The following TNFRSF10B variants were observed in gnomAD, a reference collection of about 807,000 sequenced individuals.
TNFRSF10B encodes TNF receptor superfamily member 10b.
A neutral mutation model predicts 41.4 loss-of-function variants in TNFRSF10B; 35 were observed. The ratio of observed to expected loss-of-function variants is 0.85; its 90% CI spans 0.65 to 1.12. TNFRSF10B has a LOEUF of 1.12. TNFRSF10B is among the 50% of genes most tolerant of loss of function. The pLI is 0.00. For missense variants in TNFRSF10B, 584 were observed against 552.7 expected, an observed-to-expected ratio of 1.06 and a Z score of -0.57; for synonymous variants, 230 against 215.5, an observed-to-expected ratio of 1.07 and a Z score of -0.59.
At position 23,058,266 on chromosome 8, in the gene TNFRSF10B, T is replaced by TA. The variant is rs1165890201; in HGVS notation, c.144+10484dup. ...TGTCTCAAAAAAAAATTCCATCTCT[T>TA]ATAAACATTATGTAGTTAAGTCTTG... is the stretch of plus-strand genomic sequence containing the variant. On this transcript the variant is annotated intron_variant, in intron 1 of 8. Coordinates refer to ENST00000276431, the MANE Select transcript of TNFRSF10B (RefSeq NM_003842.5). Among the ~76,000 whole-genome samples the TA allele has an allele frequency of 2.0e-5, 3 of 152,260 alleles. No homozygotes were observed. The South Asian group carries it at 6.2e-4, about 32-fold the overall frequency.
At chr8:23,049,504 AG>A (rs1366482615) in intron 1 of TNFRSF10B, among the ~76,000 whole-genome samples, 1 of 152,208 alleles carries the variant, frequency 6.6e-6, no homozygotes, top group Non-Finnish European at 1.5e-5. Context: ...GGACCCATTT[AG>A]ATTAAGTAAA....
rs755110880 is a variant in TNFRSF10B, at chr8:23,022,609, T to A, written c.*62A>T. 6.3e-7 allele frequency: 1 copy of A among 1,593,604 alleles called. No individual in the cohort carries two copies. Among genetic ancestry groups the A allele is most frequent in the East Asian group, 2.2e-5 (1 of 44,718 alleles). On this transcript the variant is annotated 3_prime_UTR_variant, in exon 9 of 9. Transcript: ENST00000276431. ...CACTTTCCTACTGACTGGAGTCCAGTTGGGCTTTTTCCAGAAAAAAGGTAA... is the reference window on the plus strand; with the variant it reads ...CACTTTCCTACTGACTGGAGTCCAGATGGGCTTTTTCCAGAAAAAAGGTAA...
intron 8 of TNFRSF10B, among the ~76,000 whole-genome samples, chr8:23,023,667 C>T (rs1392019223): frequency 6.6e-6 from 1 of 152,146 alleles, no homozygotes; most frequent in Non-Finnish European, 1.5e-5. Flanking sequence ...ACATCAGAAA[C>T]AAGTGACATT....
intron 2 of TNFRSF10B, among the ~76,000 whole-genome samples, chr8:23,035,550 T>G (rs1385422987): frequency 1.3e-5 from 2 of 152,160 alleles, no homozygotes; most frequent in East Asian, 3.8e-4. Context: ...TAGCAACTAT[T>G]CTAGACTTAA....
In TNFRSF10B at chr8:23,029,731, G is replaced by C. The variant is rs1260204723; in HGVS notation, c.365-10C>G. 2 of 1,611,260 alleles carry C rather than the reference G, an allele frequency of 1.2e-6. No individual in the cohort carries two copies. Among genetic ancestry groups the C allele is most frequent in the Non-Finnish European group, 1.7e-6 (2 of 1,178,660 alleles). The stretch of plus-strand genomic sequence containing the variant: ...CTTAGCTCCACTTCACCTGACGACA[G>C]AGCATAAGGTTTTGGGAATGTGTTT... On this transcript the variant is annotated splice_polypyrimidine_tract_variant and intron_variant, in intron 3 of 8. Coordinates refer to ENST00000276431, the MANE Select transcript of TNFRSF10B (RefSeq NM_003842.5).
rs1385836578 is a variant in TNFRSF10B at position 23,022,021 on chromosome 8, G to A, written c.*650C>T. ...CGCCTCTAATTCCACCGCTTTGGGAGTCTGAGGTGGGCAGACTGCTTGAGT... is the reference window on the plus strand; with the variant it reads ...CGCCTCTAATTCCACCGCTTTGGGAATCTGAGGTGGGCAGACTGCTTGAGT... On this transcript the variant is annotated 3_prime_UTR_variant, in exon 9 of 9. Coordinates refer to ENST00000276431, the MANE Select transcript of TNFRSF10B (RefSeq NM_003842.5). 2.2e-6 allele frequency: 1 copy of A among 451,148 alleles called. No homozygotes were observed. The allele number at this position is 451,148 out of a possible 1,614,324, so 27.9% of individuals were successfully genotyped here.
In TNFRSF10B at chr8:23,028,612, C is replaced by T. The variant is rs1811783715; in HGVS notation, c.477-10G>A. ...CATCCCTCTGGGACACCTGGGTACA[C>T]ACACAGAGGGAGAGGGGGGACTCTT... is the stretch of plus-strand genomic sequence containing the variant. On this transcript the variant is annotated splice_polypyrimidine_tract_variant and intron_variant, in intron 4 of 8. Transcript: ENST00000276431. 2 of 1,614,042 alleles carry T rather than the reference C, an allele frequency of 1.2e-6. No homozygotes were observed. Among genetic ancestry groups the T allele is most frequent in the Non-Finnish European group, 1.7e-6 (2 of 1,179,970 alleles).
intron 1 of TNFRSF10B, among the ~76,000 whole-genome samples, chr8:23,056,405 A>G (rs1226450763): frequency 6.6e-6 from 1 of 152,110 alleles, no homozygotes; most frequent in African/African-American, 2.4e-5. Flanking sequence ...TAATCCCAGC[A>G]TTTTGGGAGG....
intron 1 of TNFRSF10B, among the ~76,000 whole-genome samples, chr8:23,064,740 C>T (rs1454153489): frequency 1.3e-5 from 2 of 152,178 alleles, no homozygotes; most frequent in Non-Finnish European, 2.9e-5. Context: ...CCCGAGTAAC[C>T]TCTTCTTTCC....
At position 23,033,822 on chromosome 8, in the gene TNFRSF10B, C is replaced by T. The variant is rs561293370; in HGVS notation, c.251-2950G>A. 1.8e-4 allele frequency among the ~76,000 whole-genome samples: 27 copies of T among 151,750 alleles called. 2 individuals are homozygous for T. In the South Asian group the frequency reaches 4.2e-3, roughly 23 times the overall value. On this transcript the variant is annotated intron_variant, in intron 2 of 8. Transcript: ENST00000276431. ...CCAGAAGAGGGGGGGAGAGAGAGAGCGAGCAAGCGAGAGAGAGCAAGTTGT... is the reference window on the plus strand; with the variant it reads ...CCAGAAGAGGGGGGGAGAGAGAGAGTGAGCAAGCGAGAGAGAGCAAGTTGT...
At chr8:23,062,878 C>G (rs1812871689) in intron 1 of TNFRSF10B, among the ~76,000 whole-genome samples, 1 of 152,180 alleles carries the variant, frequency 6.6e-6, no homozygotes, top group South Asian at 2.1e-4. Context: ...CAGATTGATT[C>G]ATCTCCACTA....
At chr8:23,028,041 AGCCGACTGCCCCCT>A (rs1811763276) in intron 5 of TNFRSF10B, 1 of 599,130 alleles carries the variant, frequency 1.7e-6, no homozygotes, top group Non-Finnish European at 2.9e-6. Flanking sequence ...CCAGTTGAGG[AGCCGACTGCCCCCT>A]GCCTGGCTGG....
intron 1 of TNFRSF10B, among the ~76,000 whole-genome samples, chr8:23,062,196 A>G (rs1431029925): frequency 6.6e-6 from 1 of 151,488 alleles, no homozygotes; most frequent in Non-Finnish European, 1.5e-5. Context: ...GGTTTTGTGG[A>G]TTTTCTCTAT....
intron 2 of TNFRSF10B, among the ~76,000 whole-genome samples, chr8:23,041,059 TTG>T (rs1311961524): frequency 0.029 from 1,233 of 42,138 alleles, 23 homozygotes; most frequent in African/African-American, 0.2. Context: ...AATTTTTTTT[TTG>T]TTGTTTTTTT....
intron 1 of TNFRSF10B, among the ~76,000 whole-genome samples, chr8:23,066,468 CAT>C (rs1048541310): frequency 6.6e-6 from 1 of 151,864 alleles, no homozygotes; most frequent in African/African-American, 2.4e-5. Context: ...CAAAGTGAAA[CAT>C]AGAAAATGAT....
chr8:23,057,036 C>CT (rs138262629), intron 1 of TNFRSF10B, among the ~76,000 whole-genome samples: 4,199 of 135,888 alleles, frequency 0.031, 243 homozygotes, highest in African/African-American at 0.11. Flanking sequence ...TCTTTTATGA[C>CT]TTTTTTTTTT....
intron 7 of TNFRSF10B, among the ~76,000 whole-genome samples, chr8:23,026,488 T>C (rs1352019730): frequency 6.6e-6 from 1 of 152,216 alleles, no homozygotes; most frequent in Non-Finnish European, 1.5e-5. Context: ...TTAGATTATA[T>C]TGCTGTATGT....
rs563346627 is a variant in TNFRSF10B, at chr8:23,039,180, G to A, written c.250+3958C>T. On this transcript the variant is annotated intron_variant, in intron 2 of 8. Transcript: ENST00000276431. Reference sequence around the variant, plus strand: ...CGCTCCTATGAAGTCTAATGCTGCCGCTGATTTGACGGCATGCAGAGCTCG... The same window carrying A: ...CGCTCCTATGAAGTCTAATGCTGCCACTGATTTGACGGCATGCAGAGCTCG... Among the ~76,000 whole-genome samples the A allele has an allele frequency of 4.6e-5, 7 of 152,042 alleles. No individual in the cohort carries two copies. The East Asian group carries it at 7.8e-4, about 17-fold the overall frequency.
In TNFRSF10B at chr8:23,021,949, A is replaced by T. The variant is rs915930110; in HGVS notation, c.*722T>A. 2 of 452,576 alleles carry T rather than the reference A, an allele frequency of 4.4e-6. No individual in the cohort carries two copies. Among genetic ancestry groups the T allele is most frequent in the Non-Finnish European group, 8.9e-6 (2 of 225,950 alleles). The allele number at this position is 452,576 out of a possible 1,614,324, so 28.0% of individuals were successfully genotyped here. A position where few individuals can be genotyped will look rare whatever the true frequency, so the allele number is the denominator to read the frequency against. On this transcript the variant is annotated 3_prime_UTR_variant, in exon 9 of 9. Coordinates refer to ENST00000276431, the MANE Select transcript of TNFRSF10B (RefSeq NM_003842.5). ...TTCTTCATGTTCATAAAATAATAAC[A>T]TACAGAATTATAAAAGTAGAAAGGT...
Sources: gnomAD v4.1 joint callset for allele counts (sites outside exome capture counted in the v4.1 genomes callset) on GRCh38, gnomAD v4.1.1 for gene constraint, MANE v1.5 for transcripts, NCBI Gene and HGNC (gene_info 2026-07-23, HGNC 2026-07-21) for gene names.